HMCN1: variants seen among roughly 807,000 people sequenced by gnomAD.
HMCN1 encodes the protein hemicentin-1.
In HMCN1, 321 loss-of-function variants were observed where a neutral mutation model predicts 625.9. That is an observed-to-expected ratio of 0.51 (90% CI 0.47 to 0.56). HMCN1 has a LOEUF of 0.56. HMCN1 is among the 20% of genes least tolerant of loss of function. HMCN1 has a pLI of 0.00. For missense variants in HMCN1, 6,588 were observed against 6,887.3 expected (o/e 0.96, Z 1.54); for synonymous variants, 2,425 against 2,417.6 (o/e 1.00, Z -0.09).
chr1:186,052,848 TCTTC>T, intron 42 of HMCN1, 100 bp from the exon 43 acceptor site: 1 of 982,940 alleles, frequency 1.0e-6, no homozygotes, highest in Non-Finnish European at 1.6e-6. Flanking sequence ...TATGACAATT[TCTTC>T]CTTATGTCAT....
At chr1:186,089,720 T>C (rs1659730900) in intron 63 of HMCN1, among the ~76,000 whole-genome samples, 1 of 151,996 alleles carries the variant, frequency 6.6e-6, no homozygotes, top group Non-Finnish European at 1.5e-5. Flanking sequence ...AAATAGTATA[T>C]GCATATAGGA....
intron 14 of HMCN1, among the ~76,000 whole-genome samples, chr1:185,967,824 C>T (rs1460014283): frequency 6.6e-6 from 1 of 152,040 alleles, no homozygotes; most frequent in Non-Finnish European, 1.5e-5. Context: ...TATCTTTTTC[C>T]TCATACCTTC....
intron 15 of HMCN1, among the ~76,000 whole-genome samples, chr1:185,971,859 T>C (rs192586805): frequency 3.9e-5 from 6 of 152,264 alleles, no homozygotes; most frequent in African/African-American, 1.2e-4. Flanking sequence ...AAGACCACTA[T>C]AGAATCTGTC....
At chr1:186,054,263 A>C (rs1232638065) in intron 44 of HMCN1, among the ~76,000 whole-genome samples, 3 of 151,916 alleles carry the variant, frequency 2.0e-5, no homozygotes, top group Admixed American at 6.6e-5. Flanking sequence ...GGACATGTGG[A>C]GGGGGAAGGG....
intron 29 of HMCN1, among the ~76,000 whole-genome samples, chr1:186,005,198 T>A (rs1353584322): frequency 1.4e-5 from 2 of 146,586 alleles, no homozygotes; most frequent in East Asian, 4.1e-4. Flanking sequence ...AACAATTTTT[T>A]AATTGTTTAT....
chr1:185,946,777 C>T (rs1302023726), intron 11 of HMCN1, among the ~76,000 whole-genome samples: 2 of 152,132 alleles, frequency 1.3e-5, no homozygotes, highest in African/African-American at 2.4e-5. Context: ...TAAGTGGAAA[C>T]ATTGTTGACA....
chr1:185,903,617 A>T (rs1382018032), intron 4 of HMCN1, among the ~76,000 whole-genome samples: 3 of 151,756 alleles, frequency 2.0e-5, no homozygotes, highest in Non-Finnish European at 3.0e-5. Flanking sequence ...CAACACCCAA[A>T]GAGTAATATA....
intron 103 of HMCN1, chr1:186,177,000 C>T (rs1280253175): frequency 6.7e-6 from 1 of 149,292 alleles, no homozygotes; most frequent in African/African-American, 2.5e-5. Context: ...AACCCTGTCT[C>T]TGTCAAAAAT....
intron 11 of HMCN1, among the ~76,000 whole-genome samples, chr1:185,940,836 T>C (rs2102510649): frequency 6.6e-6 from 1 of 152,306 alleles, no homozygotes; most frequent in Non-Finnish European, 1.5e-5. Context: ...CGATCTTGGC[T>C]CACCCCAGCC....
At chr1:185,992,169 T>G (rs1349494106) in intron 22 of HMCN1, among the ~76,000 whole-genome samples, 1 of 152,158 alleles carries the variant, frequency 6.6e-6, no homozygotes, top group African/African-American at 2.4e-5. Context: ...ATAATAATCT[T>G]TTGTCTTTTA....
At chr1:185,749,629 C>A (rs564539323) in intron 1 of HMCN1, among the ~76,000 whole-genome samples, 6 of 152,266 alleles carry the variant, frequency 3.9e-5, no homozygotes, top group African/African-American at 1.2e-4. Flanking sequence ...CACATCTGAT[C>A]CCTCCACAAG....
chr1:185,882,706 A>T lies in HMCN1; in HGVS notation c.621+16843A>T, dbSNP rs572832783. Among the ~76,000 whole-genome samples, 5 of 152,144 alleles carry T rather than the reference A, an allele frequency of 3.3e-5. No individual in the cohort carries two copies. The South Asian group carries it at 6.2e-4, about 19-fold the overall frequency. The stretch of plus-strand genomic sequence containing the variant: ...ATAGCAAGTGAAGTATATTTTATGA[A>T]TTTTTTTCATCTGATGCCATCACCT... On this transcript the variant is annotated intron_variant, in intron 4 of 106. Transcript: ENST00000271588.
chr1:186,112,998 A>C (rs944643608), intron 72 of HMCN1, 45 bp downstream of exon 72: 2 of 1,605,424 alleles, frequency 1.2e-6, no homozygotes, highest in Non-Finnish European at 1.7e-6. Context: ...AATCTGACCA[A>C]GGGCATTCAA....
At chr1:186,062,493 G>C (rs960081343) in intron 47 of HMCN1, 21 bp from the exon 48 acceptor site, 3 of 1,384,194 alleles carry the variant, frequency 2.2e-6, no homozygotes, top group Non-Finnish European at 3.1e-6. Context: ...CTGTTATTTT[G>C]TTGTTGTTGT....
intron 2 of HMCN1, among the ~76,000 whole-genome samples, chr1:185,848,202 AT>A (rs908527182): frequency 5.9e-5 from 9 of 151,492 alleles, no homozygotes; most frequent in African/African-American, 2.2e-4. Context: ...TCACTCTTCA[AT>A]CTATTTCAAT....
Position 186,043,668 on chromosome 1 carries a change from G to A in HMCN1, c.6305-2020G>A, listed in dbSNP as rs191662310. ...GTTATGGTTCTTTTTTATTCAATGA[G>A]GCCAAACTTTACCTAAAATTATTTC... On this transcript the variant is annotated intron_variant, in intron 40 of 106. Coordinates refer to ENST00000271588, the MANE Select transcript of HMCN1 (RefSeq NM_031935.3). 6.6e-5 allele frequency among the ~76,000 whole-genome samples: 10 copies of A among 152,166 alleles called. No homozygotes were observed. In the East Asian group the frequency reaches 1.9e-3, roughly 29 times the overall value.
chr1:186,088,278 T>C lies in HMCN1; in HGVS notation c.9577+2T>C, dbSNP rs746013184. On this transcript the variant is annotated splice_donor_variant, in intron 62 of 106. Transcript: ENST00000271588. LOFTEE classifies it high-confidence loss of function. ...GGTTAAAGAACCACAAGCGCATAGGTAAGGCAACCATGCATTTTTGTGTGT... is the reference window on the plus strand; with the variant it reads ...GGTTAAAGAACCACAAGCGCATAGGCAAGGCAACCATGCATTTTTGTGTGT... 2 of 1,612,612 alleles carry C rather than the reference T, an allele frequency of 1.2e-6. No individual in the cohort carries two copies.
rs148478176 is a variant in HMCN1 at position 186,049,626 on chromosome 1, CTT to C, written c.6577+788_6577+789del. ...CCTGTAATTTACATACTTTAAAAAACTTATAACTTAATAAGCCCTCTTCATTT... is the reference window on the plus strand; with the variant it reads ...CCTGTAATTTACATACTTTAAAAAACATAACTTAATAAGCCCTCTTCATTT... On this transcript the variant is annotated intron_variant, in intron 42 of 106. Coordinates refer to ENST00000271588, the MANE Select transcript of HMCN1 (RefSeq NM_031935.3). Among the ~76,000 whole-genome samples, 154 of 152,168 alleles carry C rather than the reference CTT, an allele frequency of 1.0e-3. No individual in the cohort carries two copies. In the East Asian group the frequency reaches 0.023, roughly 23 times the overall value.
chr1:185,791,491 G>C (rs895556141), intron 1 of HMCN1, among the ~76,000 whole-genome samples: 3 of 151,842 alleles, frequency 2.0e-5, no homozygotes, highest in Non-Finnish European at 2.9e-5. Context: ...AGGACGAGGC[G>C]GGTGGATCAC....
Sources: gnomAD v4.1 joint callset for allele counts (sites outside exome capture counted in the v4.1 genomes callset) on GRCh38, gnomAD v4.1.1 for gene constraint, MANE v1.5 for transcripts, NCBI Gene and HGNC (gene_info 2026-07-23, HGNC 2026-07-21) for gene names.